Variants in LUZP2 observed in about 807,000 individuals in gnomAD.
The protein encoded by LUZP2 is leucine zipper protein 2.
In LUZP2, 52 loss-of-function variants were observed where a neutral mutation model predicts 51.6. The ratio of observed to expected loss-of-function variants is 1.01; its 90% CI spans 0.81 to 1.27. LUZP2 has a LOEUF of 1.27. Ranked by LOEUF, LUZP2 falls within the 50% of genes most tolerant of loss-of-function variation. The pLI, the probability that LUZP2 is intolerant of heterozygous loss-of-function variation, is 0.00. For missense variants in LUZP2, 436 were observed against 395.4 expected (o/e 1.10, Z -0.87); for synonymous variants, 154 against 137.3 (o/e 1.12, Z -0.85).
chr11:24,551,389 TC>T (rs1351156456), intron 1 of LUZP2, among the ~76,000 whole-genome samples: 2 of 151,948 alleles, frequency 1.3e-5, no homozygotes, highest in Non-Finnish European at 2.9e-5. Flanking sequence ...AATAGCCAAG[TC>T]CATAAGAATA....
chr11:24,651,099 A>G (rs978014555), intron 1 of LUZP2, among the ~76,000 whole-genome samples: 2 of 151,964 alleles, frequency 1.3e-5, no homozygotes, highest in Non-Finnish European at 2.9e-5. Flanking sequence ...CTGCTTTCCA[A>G]CAATTCCAAG....
intron 1 of LUZP2, among the ~76,000 whole-genome samples, chr11:24,671,424 A>G (rs1255171882): frequency 3.9e-5 from 6 of 152,058 alleles, no homozygotes; most frequent in East Asian, 3.8e-4. Flanking sequence ...CCTTGACCAT[A>G]TTTGCTAATG....
intron 9 of LUZP2, among the ~76,000 whole-genome samples, chr11:24,984,289 A>C (rs1360511098): frequency 2.6e-5 from 4 of 151,292 alleles, no homozygotes; most frequent in Non-Finnish European, 3.0e-5. Flanking sequence ...TTTTGAATTA[A>C]AGTGGGTAGA....
chr11:25,044,235 ATGTGTGTGTG>A (rs368613234), intron 9 of LUZP2, among the ~76,000 whole-genome samples: 1 of 107,038 alleles, frequency 9.3e-6, no homozygotes, highest in African/African-American at 3.2e-5. Context: ...GTGTATGTGT[ATGTGTGTGTG>A]TGTGTGTGTG....
intron 5 of LUZP2, among the ~76,000 whole-genome samples, chr11:24,800,894 C>T (rs1443485076): frequency 6.6e-6 from 1 of 151,976 alleles, no homozygotes; most frequent in African/African-American, 2.4e-5. Context: ...ACTTTTGTGG[C>T]AAATATATGT....
chr11:25,059,045 C>T (rs1274083725), intron 10 of LUZP2, among the ~76,000 whole-genome samples: 2 of 151,958 alleles, frequency 1.3e-5, no homozygotes, highest in Admixed American at 1.3e-4. Context: ...ATAGCTTGTC[C>T]CATCTCTTAT....
At chr11:24,606,050 G>A (rs1219379978) in intron 1 of LUZP2, among the ~76,000 whole-genome samples, 3 of 151,544 alleles carry the variant, frequency 2.0e-5, no homozygotes, top group East Asian at 3.9e-4. Context: ...ATTTTTTATA[G>A]CTGAATAATA....
chr11:24,561,225 T>C (rs1197930067), intron 1 of LUZP2, among the ~76,000 whole-genome samples: 1 of 152,208 alleles, frequency 6.6e-6, no homozygotes, highest in African/African-American at 2.4e-5. Context: ...AATTAGGTCA[T>C]TTTAATATGT....
chr11:24,895,949 C>A (rs1853028904), intron 5 of LUZP2, among the ~76,000 whole-genome samples: 1 of 152,186 alleles, frequency 6.6e-6, no homozygotes, highest in Non-Finnish European at 1.5e-5. Flanking sequence ...AATTTACGTT[C>A]CCACCAATAC....
At chr11:24,564,134 T>C (rs1852143516) in intron 1 of LUZP2, among the ~76,000 whole-genome samples, 3 of 152,142 alleles carry the variant, frequency 2.0e-5, no homozygotes. Context: ...CTTCATGTTG[T>C]TTGAATACAT....
intron 5 of LUZP2, among the ~76,000 whole-genome samples, chr11:24,827,122 A>G (rs1468483464): frequency 6.6e-6 from 1 of 152,212 alleles, no homozygotes; most frequent in Non-Finnish European, 1.5e-5. Flanking sequence ...AAAACCAATT[A>G]TGTATAAGAT....
chr11:24,965,356 A>C (rs968432210), intron 7 of LUZP2, among the ~76,000 whole-genome samples: 2 of 150,678 alleles, frequency 1.3e-5, no homozygotes, highest in African/African-American at 4.9e-5. Flanking sequence ...AGTTTTCTCC[A>C]CAGAAAACTC....
rs547187612 is a variant in LUZP2 at position 24,759,030 on chromosome 11, C to T, written c.334-4216C>T. On this transcript the variant is annotated intron_variant, in intron 4 of 11. Coordinates refer to ENST00000336930, the MANE Select transcript of LUZP2 (RefSeq NM_001009909.4). ...GGAAATAGAAACATTTATGTTTATTCCTAAGCAAATAATGAAATGGTAAAT... is the reference window on the plus strand; with the variant it reads ...GGAAATAGAAACATTTATGTTTATTTCTAAGCAAATAATGAAATGGTAAAT... Among the ~76,000 whole-genome samples, 37 of 152,082 alleles carry T rather than the reference C, an allele frequency of 2.4e-4. No homozygotes were observed. In the South Asian group the frequency reaches 7.0e-3, roughly 29 times the overall value.
At chr11:24,532,139 A>G (rs1051911020) in intron 1 of LUZP2, among the ~76,000 whole-genome samples, 1 of 150,902 alleles carries the variant, frequency 6.6e-6, no homozygotes, top group Non-Finnish European at 1.5e-5. Context: ...AAATTTTTCC[A>G]CCATTATTTG....
At chr11:25,035,867 G>A (rs1358624395) in intron 9 of LUZP2, among the ~76,000 whole-genome samples, 1 of 152,052 alleles carries the variant, frequency 6.6e-6, no homozygotes, top group East Asian at 1.9e-4. Context: ...CACTCAGTTT[G>A]CTAATATTTT....
intron 1 of LUZP2, among the ~76,000 whole-genome samples, chr11:24,726,054 T>A (rs891006017): frequency 8.5e-5 from 13 of 152,088 alleles, no homozygotes; most frequent in African/African-American, 3.1e-4. Context: ...TGAGACGAAA[T>A]ATCTATTATT....
chr11:24,707,102 T>A (rs1470910397), intron 1 of LUZP2, among the ~76,000 whole-genome samples: 3 of 152,158 alleles, frequency 2.0e-5, no homozygotes, highest in Non-Finnish European at 4.4e-5. Flanking sequence ...CCCATTTTAC[T>A]AAAGTATGTA....
intron 1 of LUZP2, among the ~76,000 whole-genome samples, chr11:24,553,053 T>C (rs1210499968): frequency 6.6e-6 from 1 of 151,564 alleles, no homozygotes; most frequent in Non-Finnish European, 1.5e-5. Context: ...CTGTAGACCT[T>C]GAGGTCACAA....
At chr11:24,570,018 A>C (rs1852383161) in intron 1 of LUZP2, among the ~76,000 whole-genome samples, 1 of 152,046 alleles carries the variant, frequency 6.6e-6, no homozygotes, top group African/African-American at 2.4e-5. Context: ...AACTAAAATT[A>C]CCACCCTGAT....
Sources: gnomAD v4.1 joint callset for allele counts (sites outside exome capture counted in the v4.1 genomes callset) on GRCh38, gnomAD v4.1.1 for gene constraint, MANE v1.5 for transcripts, NCBI Gene and HGNC (gene_info 2026-07-23, HGNC 2026-07-21) for gene names.